The following STAU2 variants were observed in gnomAD, a reference collection of about 807,000 sequenced individuals.
The protein encoded by STAU2 is staufen double-stranded RNA binding protein 2, also known as double-stranded RNA-binding protein Staufen homolog 2.
Under a neutral mutation model 65.9 loss-of-function variants are expected in STAU2, and 20 were observed. The ratio of observed to expected loss-of-function variants is 0.30; its 90% CI spans 0.21 to 0.44. The LOEUF is 0.44. Among genes scored for constraint, STAU2 ranks in the 20% least tolerant of loss-of-function variants. The probability of loss-of-function intolerance (pLI) is 1.00; values close to 1 mark genes in which losing one functional copy is unlikely to be tolerated. For synonymous variants in STAU2, 232 were observed against 233.9 expected (o/e 0.99, Z 0.07); for missense variants, 558 against 683.9 (o/e 0.82, Z 2.05).
intron 9 of STAU2, among the ~76,000 whole-genome samples, chr8:73,607,737 C>CA (rs397961982): frequency 0.094 from 6,043 of 64,412 alleles, 330 homozygotes; most frequent in African/African-American, 0.22. Flanking sequence ...AACTCCGTCT[C>CA]AAAAAAAAAA....
chr8:73,481,518 A>C (rs1450188725), intron 13 of STAU2, among the ~76,000 whole-genome samples: 5 of 118,338 alleles, frequency 4.2e-5, no homozygotes, highest in South Asian at 3.4e-4. Context: ...CAAAAAAACA[A>C]AAAAAAAAAA....
chr8:73,424,219 T>A (rs1816623841), intron 13 of STAU2, among the ~76,000 whole-genome samples: 11 of 150,524 alleles, frequency 7.3e-5, no homozygotes, highest in Admixed American at 7.3e-4. Flanking sequence ...TTTTTTTTTT[T>A]TGACTGAGTC....
chr8:73,451,776 CA>C (rs1818812027), intron 13 of STAU2, among the ~76,000 whole-genome samples: 1 of 152,006 alleles, frequency 6.6e-6, no homozygotes, highest in African/African-American at 2.4e-5. Flanking sequence ...GTACACTTTC[CA>C]GAATGTTCCT....
At chr8:73,746,947 G>A, upstream of STAU2, 2 of 860,710 alleles carry the variant, frequency 2.3e-6, no homozygotes, top group South Asian at 5.2e-5. Flanking sequence ...TCCCGCGCTC[G>A]CGCCGCGCGC....
At chr8:73,628,870 C>T (rs1813883394) in intron 6 of STAU2, among the ~76,000 whole-genome samples, 1 of 152,184 alleles carries the variant, frequency 6.6e-6, no homozygotes, top group South Asian at 2.1e-4. Flanking sequence ...TTTATTACAA[C>T]GTCCAGCCCA....
chr8:73,474,556 T>C (rs1210521164), intron 13 of STAU2, among the ~76,000 whole-genome samples: 1 of 89,114 alleles, frequency 1.1e-5, no homozygotes, highest in African/African-American at 3.5e-5. Flanking sequence ...TCTCTGAGCA[T>C]TGTTATGGTT....
intron 3 of STAU2, among the ~76,000 whole-genome samples, chr8:73,726,916 A>C (rs1805678691): frequency 6.6e-6 from 1 of 152,128 alleles, no homozygotes; most frequent in Admixed American, 6.5e-5. Flanking sequence ...AATTGACATA[A>C]TATCTAATTA....
chr8:73,458,373 T>C (rs1819178169), intron 13 of STAU2, among the ~76,000 whole-genome samples: 2 of 152,250 alleles, frequency 1.3e-5, no homozygotes, highest in South Asian at 2.1e-4. Flanking sequence ...TCATTTAATG[T>C]ACAAACACCT....
chr8:73,572,651 C>T (rs1342220319), intron 12 of STAU2, among the ~76,000 whole-genome samples: 4 of 151,766 alleles, frequency 2.6e-5, no homozygotes, highest in African/African-American at 7.2e-5. Flanking sequence ...ACGAAAACCA[C>T]GATTATCTCA....
intron 12 of STAU2, among the ~76,000 whole-genome samples, chr8:73,564,748 G>GA (rs927884780): frequency 3.3e-5 from 5 of 151,982 alleles, no homozygotes; most frequent in Admixed American, 1.3e-4. Flanking sequence ...ATATTGATGA[G>GA]AAAAAAAATC....
intron 5 of STAU2, 121 bp from the exon 6 acceptor site, chr8:73,673,363 T>C (rs1250568944): frequency 2.0e-6 from 2 of 1,006,836 alleles, no homozygotes; most frequent in Non-Finnish European, 2.6e-6. Flanking sequence ...GGACCACCTG[T>C]ATGATTTTCT....
chr8:73,445,085 C>T (rs1818395731), intron 13 of STAU2, among the ~76,000 whole-genome samples: 1 of 152,180 alleles, frequency 6.6e-6, no homozygotes, highest in South Asian at 2.1e-4. Flanking sequence ...GAGCCAAACT[C>T]GAACCAGACG....
In STAU2 at chr8:73,421,408, G is replaced by A. The variant is rs549853579; in HGVS notation, c.1677C>T (p.Ile559=). 13 of 1,537,296 alleles carry A rather than the reference G, an allele frequency of 8.5e-6. No individual in the cohort carries two copies. In the East Asian group the frequency reaches 9.8e-5, roughly 12 times the overall value. The change falls in exon 15 of 15, where the codon ATC becomes ATT. Residue 559 remains isoleucine, a synonymous_variant. Coordinates refer to ENST00000524300, the MANE Select transcript of STAU2 (RefSeq NM_001164380.2). ...AGTTTGATTTCTTGCAGTCCTGAGC[G>A]ATGGAGCCCGGGGGTGCCTGGTTAT... ...ADNNQAPPGS[I]AQDCKKSNSA... is the part of the protein sequence containing the mutation.
chr8:73,535,779 A>T (rs1449481378), intron 13 of STAU2, among the ~76,000 whole-genome samples: 1 of 152,224 alleles, frequency 6.6e-6, no homozygotes, highest in Non-Finnish European at 1.5e-5. Flanking sequence ...TCAACATTAA[A>T]GGAAAATTGT....
intron 9 of STAU2, among the ~76,000 whole-genome samples, chr8:73,608,183 C>T (rs115910277): frequency 0.011 from 1,635 of 152,178 alleles, 31 homozygotes; most frequent in African/African-American, 0.037. Flanking sequence ...ACTTTTTAAA[C>T]GATCATTTGG....
intron 4 of STAU2, among the ~76,000 whole-genome samples, chr8:73,697,078 G>C (rs1018486155): frequency 6.9e-6 from 1 of 145,198 alleles, no homozygotes; most frequent in African/African-American, 2.6e-5. Flanking sequence ...TTTTGAAACA[G>C]AGTCTCACTC....
In STAU2 at chr8:73,736,577, T is replaced by A. The variant is rs7009095; in HGVS notation, c.-18+1707A>T. 3.3e-5 allele frequency among the ~76,000 whole-genome samples: 5 copies of A among 152,198 alleles called. No homozygotes were observed. In the East Asian group the frequency reaches 9.7e-4, roughly 30 times the overall value. ...GAAGAGAGGTCCAGCAGAGGAAATC[T>A]GTGCAAATCCCTGTAGCCAGAACAA... On this transcript the variant is annotated intron_variant, in intron 3 of 14. Transcript: ENST00000524300.
intron 4 of STAU2, among the ~76,000 whole-genome samples, chr8:73,708,183 T>G (rs1820649715): frequency 6.6e-6 from 1 of 152,190 alleles, no homozygotes; most frequent in Non-Finnish European, 1.5e-5. Flanking sequence ...ATTGACAAAT[T>G]GTAGTTTCCT....
chr8:73,574,675 C>T (rs544735471), intron 12 of STAU2, among the ~76,000 whole-genome samples: 180 of 152,264 alleles, frequency 1.2e-3, no homozygotes, highest in Non-Finnish European at 2.3e-3. Flanking sequence ...CCAAACACTG[C>T]ATGTTCTCAC....
Sources: allele counts gnomAD v4.1 joint callset (sites outside exome capture counted in the v4.1 genomes callset), GRCh38; gene constraint gnomAD v4.1.1; transcripts MANE v1.5; gene names NCBI Gene and HGNC (gene_info 2026-07-23, HGNC 2026-07-21).